Variants in SLC14A2 observed in about 807,000 individuals in gnomAD.
The protein encoded by SLC14A2 is urea transporter 2.
SLC14A2 carries 91 observed loss-of-function variants against 104.6 expected under a neutral mutation model. The ratio of observed to expected loss-of-function variants is 0.87; its 90% CI spans 0.73 to 1.04. The LOEUF (loss-of-function observed/expected upper bound fraction) is 1.04. Among genes scored for constraint, SLC14A2 ranks in the 50% least tolerant of loss-of-function variants. The pLI, the probability that SLC14A2 is intolerant of heterozygous loss-of-function variation, is 0.00. For synonymous variants in SLC14A2, 476 were observed against 466.4 expected (o/e 1.02, Z -0.27); for missense variants, 1,189 against 1,156.0 (o/e 1.03, Z -0.41).
intron 1 of SLC14A2, among the ~76,000 whole-genome samples, chr18:45,621,155 C>A (rs2045161145): frequency 6.6e-6 from 1 of 152,172 alleles, no homozygotes; most frequent in Admixed American, 6.5e-5. Flanking sequence ...CACCTCTTGG[C>A]CACCAGAGGG....
intron 2 of SLC14A2, among the ~76,000 whole-genome samples, chr18:45,568,847 G>A (rs1295343175): frequency 3.3e-5 from 5 of 152,134 alleles, no homozygotes; most frequent in South Asian, 2.1e-4. Flanking sequence ...AGAAATGTGT[G>A]GCATATCAAT....
chr18:45,177,151 C>T, the SLC14A2 span, among the ~76,000 whole-genome samples: 613 of 152,252 alleles, frequency 4.0e-3, 3 homozygotes, highest in African/African-American at 0.014. Context: ...TTATGTTGCT[C>T]TTCATAAAAT....
At chr18:45,300,363 C>A (rs923879953) in intron 1 of SLC14A2, among the ~76,000 whole-genome samples, 14 of 145,246 alleles carry the variant, frequency 9.6e-5, no homozygotes, top group Non-Finnish European at 6.0e-5. Context: ...GTTTGCACAG[C>A]CAGTTAAATG....
intron 12 of SLC14A2, among the ~76,000 whole-genome samples, chr18:45,666,602 T>TAAAAA (rs5824604): frequency 0.057 from 8,378 of 145,966 alleles, 397 homozygotes; most frequent in African/African-American, 0.11. Context: ...GTATTAATGT[T>TAAAAA]AAAAAAAAAA....
At chr18:45,588,282 G>C (rs2044597126) in intron 2 of SLC14A2, among the ~76,000 whole-genome samples, 3 of 152,154 alleles carry the variant, frequency 2.0e-5, no homozygotes. Context: ...GTGAGTCAGG[G>C]GCACTGCTGA....
At chr18:45,212,394 A>G, upstream of SLC14A2, among the ~76,000 whole-genome samples, 1 of 152,198 alleles carries the variant, frequency 6.6e-6, no homozygotes. Context: ...GTGACCTTGG[A>G]CAAGTTCCTT....
chr18:45,178,498 A>C, the SLC14A2 span, among the ~76,000 whole-genome samples: 1 of 152,198 alleles, frequency 6.6e-6, no homozygotes, highest in African/African-American at 2.4e-5. Flanking sequence ...TTTTACATTA[A>C]TATGAAATGA....
chr18:45,454,074 G>C (rs1268900383), intron 1 of SLC14A2, among the ~76,000 whole-genome samples: 1 of 151,978 alleles, frequency 6.6e-6, no homozygotes, highest in African/African-American at 2.4e-5. Flanking sequence ...TGGCCAGGCT[G>C]GTCTCCAACT....
chr18:45,374,419 T>G (rs1437571067), intron 1 of SLC14A2, among the ~76,000 whole-genome samples: 1 of 152,236 alleles, frequency 6.6e-6, no homozygotes, highest in African/African-American at 2.4e-5. Context: ...CCAAATATTT[T>G]CTGACTCCTC....
intron 1 of SLC14A2, among the ~76,000 whole-genome samples, chr18:45,433,994 C>G (rs2086558377): frequency 6.6e-6 from 1 of 152,164 alleles, no homozygotes; most frequent in Non-Finnish European, 1.5e-5. Context: ...TGTGTCTTCC[C>G]TCAATGGCAG....
At chr18:45,350,831 A>G (rs755641674) in intron 1 of SLC14A2, among the ~76,000 whole-genome samples, 2 of 152,150 alleles carry the variant, frequency 1.3e-5, no homozygotes, top group Non-Finnish European at 2.9e-5. Flanking sequence ...AATAAAGAAG[A>G]CAATAGCAAT....
chr18:45,527,458 C>T (rs139633414), intron 2 of SLC14A2, among the ~76,000 whole-genome samples: 1 of 152,190 alleles, frequency 6.6e-6, no homozygotes, highest in Non-Finnish European at 1.5e-5. Flanking sequence ...AGAAGACAGG[C>T]TTCCCTTAAA....
At chr18:45,542,303 C>T (rs1048351822) in intron 2 of SLC14A2, 21 of 151,736 alleles carry the variant, frequency 1.4e-4, no homozygotes, top group Non-Finnish European at 2.8e-4. Context: ...AGATTACTGC[C>T]GAGGACTGCA....
intron 1 of SLC14A2, among the ~76,000 whole-genome samples, chr18:45,223,225 G>A (rs1440790265): frequency 1.3e-5 from 2 of 152,194 alleles, no homozygotes; most frequent in South Asian, 4.1e-4. Flanking sequence ...CTGGGACTTA[G>A]GCTCTTGTCT....
intron 1 of SLC14A2, chr18:45,438,089 C>G (rs2086626173): frequency 6.6e-6 from 1 of 152,156 alleles, no homozygotes; most frequent in South Asian, 2.1e-4. Flanking sequence ...ATGGTGATCT[C>G]AACGACATGG....
chr18:45,466,940 C>T (rs1833412), intron 1 of SLC14A2, among the ~76,000 whole-genome samples: 33,878 of 151,708 alleles, frequency 0.22, 4,008 homozygotes, highest in Non-Finnish European at 0.27. Context: ...CCTTCTCCCG[C>T]GGAGCTCTAA....
the SLC14A2 span, among the ~76,000 whole-genome samples, chr18:45,189,037 C>T: frequency 1.3e-5 from 2 of 152,154 alleles, no homozygotes; most frequent in African/African-American, 4.8e-5. Context: ...CATGCCTTTT[C>T]CCAGGTTTGG....
chr18:45,587,555 C>G (rs944543378), intron 2 of SLC14A2, among the ~76,000 whole-genome samples: 3 of 152,162 alleles, frequency 2.0e-5, no homozygotes, highest in Non-Finnish European at 4.4e-5. Flanking sequence ...ACTGTCAGCA[C>G]CAGTGGATAG....
chr18:45,399,649 A>G (rs749599439), intron 1 of SLC14A2, among the ~76,000 whole-genome samples: 4 of 151,882 alleles, frequency 2.6e-5, no homozygotes, highest in African/African-American at 9.7e-5. Flanking sequence ...GGAAGAATAC[A>G]TATTATGGTG....
Sources: allele counts gnomAD v4.1 joint callset (sites outside exome capture counted in the v4.1 genomes callset), GRCh38; gene constraint gnomAD v4.1.1; transcripts MANE v1.5; gene names NCBI Gene and HGNC (gene_info 2026-07-23, HGNC 2026-07-21).